ARHGAP12: variants seen among roughly 807,000 people sequenced by gnomAD.
ARHGAP12 encodes rho GTPase-activating protein 12.
Under a neutral mutation model 108.6 loss-of-function variants are expected in ARHGAP12, and 64 were observed. That is an observed-to-expected ratio of 0.59 (90% CI 0.48 to 0.73). The LOEUF is 0.73. ARHGAP12 is among the 30% of genes least tolerant of loss of function. The pLI is 0.00. For synonymous variants in ARHGAP12, 312 were observed against 337.2 expected, an observed-to-expected ratio of 0.93 and a Z score of 0.82; for missense variants, 940 against 1,005.9, an observed-to-expected ratio of 0.93 and a Z score of 0.89.
intron 6 of ARHGAP12, among the ~76,000 whole-genome samples, chr10:31,845,017 G>C (rs1285534035): frequency 6.6e-6 from 1 of 152,230 alleles, no homozygotes; most frequent in East Asian, 1.9e-4. Flanking sequence ...GATCATGATG[G>C]TATGCTACAC....
intron 13 of ARHGAP12, 75 bp from the exon 14 acceptor site, chr10:31,814,436 A>AT (rs1835129699): frequency 5.8e-6 from 7 of 1,204,504 alleles, no homozygotes; most frequent in Non-Finnish European, 8.6e-6. Context: ...AATTCTCACA[A>AT]TGACTATTGT....
At chr10:31,855,653 AG>A (rs932666648) in intron 4 of ARHGAP12, among the ~76,000 whole-genome samples, 1 of 152,242 alleles carries the variant, frequency 6.6e-6, no homozygotes, top group African/African-American at 2.4e-5. Context: ...TTAAAATGCA[AG>A]CTCATAGACG....
intron 3 of ARHGAP12, among the ~76,000 whole-genome samples, chr10:31,887,625 A>G (rs757361139): frequency 6.6e-6 from 1 of 151,972 alleles, no homozygotes; most frequent in Non-Finnish European, 1.5e-5. Context: ...CTCTCATTCA[A>G]AGGGAGTATC....
At chr10:31,843,738 A>C in intron 6 of ARHGAP12, 152 bp from the exon 7 acceptor site, 15 of 847,308 alleles carry the variant, frequency 1.8e-5, no homozygotes, top group Non-Finnish European at 2.6e-5. Context: ...CAGTTTTCTC[A>C]TCTTTAACCA....
intron 6 of ARHGAP12, among the ~76,000 whole-genome samples, chr10:31,847,833 G>A (rs1836520795): frequency 6.6e-6 from 1 of 152,156 alleles, no homozygotes; most frequent in South Asian, 2.1e-4. Context: ...TTCATAACAT[G>A]TTCTGCACAG....
intron 19 of ARHGAP12, among the ~76,000 whole-genome samples, chr10:31,808,072 A>G (rs1426066892): frequency 6.6e-6 from 1 of 152,196 alleles, no homozygotes; most frequent in African/African-American, 2.4e-5. Flanking sequence ...AAAATGTGTG[A>G]TATTTTAGCT....
chr10:31,837,284 C>T (rs1172586558), intron 9 of ARHGAP12, among the ~76,000 whole-genome samples: 28 of 152,172 alleles, frequency 1.8e-4, no homozygotes, highest in Admixed American at 1.6e-3. Flanking sequence ...GCCTTAGATT[C>T]GTATGGCAAT....
At chr10:31,819,163 AAGT>A (rs1342261800) in intron 12 of ARHGAP12, among the ~76,000 whole-genome samples, 1 of 152,002 alleles carries the variant, frequency 6.6e-6, no homozygotes, top group Non-Finnish European at 1.5e-5. Flanking sequence ...ATAAATAAAG[AAGT>A]AGCCTCATTG....
intron 13 of ARHGAP12, among the ~76,000 whole-genome samples, chr10:31,816,784 T>A (rs1338522832): frequency 6.6e-6 from 1 of 152,194 alleles, no homozygotes; most frequent in African/African-American, 2.4e-5. Flanking sequence ...AGGAGGTTAC[T>A]CTTATTTTGG....
At chr10:31,823,184 TAAC>T (rs1835478488) in intron 11 of ARHGAP12, among the ~76,000 whole-genome samples, 1 of 152,130 alleles carries the variant, frequency 6.6e-6, no homozygotes, top group Non-Finnish European at 1.5e-5. Context: ...ACCCAAAGCT[TAAC>T]AATGCCCAGA....
At chr10:31,870,300 G>A (rs1837492240) in intron 3 of ARHGAP12, among the ~76,000 whole-genome samples, 1 of 149,708 alleles carries the variant, frequency 6.7e-6, no homozygotes, top group African/African-American at 2.5e-5. Flanking sequence ...TGCCATCTCA[G>A]CTCACTGCAA....
At chr10:31,837,020 G>A (rs567795651) in intron 9 of ARHGAP12, among the ~76,000 whole-genome samples, 3 of 152,278 alleles carry the variant, frequency 2.0e-5, no homozygotes, top group African/African-American at 4.8e-5. Flanking sequence ...CTGTGAGTCC[G>A]GCATGGTCTA....
chr10:31,921,969 C>A (rs1311712654), intron 1 of ARHGAP12, among the ~76,000 whole-genome samples: 2 of 151,318 alleles, frequency 1.3e-5, no homozygotes, highest in Non-Finnish European at 2.9e-5. Flanking sequence ...GCAGGCAGAT[C>A]ATCTGAGCTT....
chr10:31,868,099 G>A (rs1012419831), intron 3 of ARHGAP12, among the ~76,000 whole-genome samples: 3 of 152,078 alleles, frequency 2.0e-5, no homozygotes, highest in Non-Finnish European at 2.9e-5. Context: ...TTGGGAGGCT[G>A]AGACAGGAGA....
chr10:31,916,635 G>A (rs1175175843), intron 1 of ARHGAP12, among the ~76,000 whole-genome samples: 2 of 151,768 alleles, frequency 1.3e-5, no homozygotes, highest in African/African-American at 4.8e-5. Context: ...CTTTTTTTTG[G>A]AGATGGAGTC....
At chr10:31,826,879 A>C (rs1835632078) in intron 10 of ARHGAP12, 1 of 152,766 alleles carries the variant, frequency 6.5e-6, no homozygotes, top group Admixed American at 6.5e-5. Context: ...GGTGCATTAC[A>C]GGCATACAAT....
chr10:31,920,449 C>CAAAAAAAAAAAAAAAAAAAAAAAAAAAA lies in ARHGAP12; in HGVS notation c.-111+8233_-111+8234insTTTTTTTTTTTTTTTTTTTTTTTTTTTT, dbSNP rs71027040. On this transcript the variant is annotated intron_variant, in intron 1 of 19. Transcript: ENST00000344936. ...TAGGCGACAGAGTGAGACTCCGTCT[C>CAAAAAAAAAAAAAAAAAAAAAAAAAAAA]AAAAAAAAAAAAAAAAAAAAAAGAA... Among the ~76,000 whole-genome samples, 24 of 59,590 alleles carry CAAAAAAAAAAAAAAAAAAAAAAAAAAAA rather than the reference C, an allele frequency of 4.0e-4. 1 individual carries two copies. Among genetic ancestry groups the CAAAAAAAAAAAAAAAAAAAAAAAAAAAA allele is most frequent in the Admixed American group, 7.0e-4 (3 of 4,270 alleles). 39.1% of individuals were successfully genotyped at this position (59,590 alleles called of 152,430 possible).
At chr10:31,827,099 A>G (rs1472266925) in intron 10 of ARHGAP12, 2 of 152,208 alleles carry the variant, frequency 1.3e-5, no homozygotes, top group Non-Finnish European at 2.9e-5. Context: ...CCACTTATCT[A>G]CTATCCTATC....
At chr10:31,835,664 C>G (rs145762449) in intron 9 of ARHGAP12, among the ~76,000 whole-genome samples, 7 of 152,224 alleles carry the variant, frequency 4.6e-5, no homozygotes, top group Non-Finnish European at 2.9e-5. Context: ...AATCAATACA[C>G]CTGATCAAAA....
Sources: allele counts gnomAD v4.1 joint callset (sites outside exome capture counted in the v4.1 genomes callset), GRCh38; gene constraint gnomAD v4.1.1; transcripts MANE v1.5; gene names NCBI Gene and HGNC (gene_info 2026-07-23, HGNC 2026-07-21).